BLMH: variants seen among roughly 807,000 people sequenced by gnomAD.
The protein encoded by BLMH is BLM hydrolase.
A neutral mutation model predicts 61.6 loss-of-function variants in BLMH; 32 were observed. That is an observed-to-expected ratio of 0.52 (90% CI 0.39 to 0.70). The LOEUF (loss-of-function observed/expected upper bound fraction) is 0.70, where lower values mean the gene tolerates loss of function less well. Ranked by LOEUF, BLMH falls within the 30% of genes least tolerant of loss-of-function variation. The pLI is 0.00. For synonymous variants in BLMH, 183 were observed against 193.8 expected (o/e 0.94, Z 0.46); for missense variants, 460 against 555.5 (o/e 0.83, Z 1.73).
At chr17:30,276,929 T>C (rs1014751775) in intron 6 of BLMH, among the ~76,000 whole-genome samples, 6 of 152,238 alleles carry the variant, frequency 3.9e-5, no homozygotes, top group African/African-American at 1.4e-4. Flanking sequence ...GCCTGTCCTT[T>C]AACTTCGTAT....
intron 11 of BLMH, among the ~76,000 whole-genome samples, chr17:30,255,204 A>T (rs566139391): frequency 1.3e-5 from 2 of 152,320 alleles, no homozygotes; most frequent in East Asian, 1.9e-4. Context: ...TAAGGTTATA[A>T]TGTATTTTTG....
intron 11 of BLMH, among the ~76,000 whole-genome samples, chr17:30,266,207 CT>C (rs1354156514): frequency 6.6e-6 from 1 of 152,118 alleles, no homozygotes; most frequent in Non-Finnish European, 1.5e-5. Context: ...AGGCTTCTGA[CT>C]TTCTAGAGTA....
chr17:30,271,907 G>C (rs752025712), intron 9 of BLMH, among the ~76,000 whole-genome samples: 4 of 152,140 alleles, frequency 2.6e-5, no homozygotes, highest in Non-Finnish European at 5.9e-5. Context: ...GCATGTTCTA[G>C]TTAGTGTGAG....
At chr17:30,282,429 G>A (rs1908618125) in intron 6 of BLMH, among the ~76,000 whole-genome samples, 1 of 152,048 alleles carries the variant, frequency 6.6e-6, no homozygotes. Context: ...TGTTGGCCAG[G>A]CTGGTCTTGA....
Position 30,285,474 on chromosome 17 carries a change from C to T in BLMH, c.559G>A (p.Glu187Lys). Residue 187 changes from glutamate to lysine, a missense_variant, in exon 6 of 12, where the codon GAA (glutamate) becomes AAA (lysine). By Grantham distance (56) the Glu-to-Lys change is moderately conservative. Around this residue, in one of 5 missense-constraint regions of BLMH, gnomAD observed 310 missense variants for 371.1 expected, o/e 0.84. Transcript: ENST00000261714. ...AGGTTCCGCAGTCGTATACAGAATT[C>T]TCTCATCTATGACAGAAACTTATTC... ...MNDILNHKMR[E>K]FCIRLRNLVH... 6.2e-7 allele frequency: 1 copy of T among 1,608,470 alleles called. No individual in the cohort carries two copies. The highest frequency in any genetic ancestry group is 8.5e-7 in the Non-Finnish European group (1 of 1,177,494).
intron 6 of BLMH, among the ~76,000 whole-genome samples, chr17:30,277,302 G>A (rs1351074489): frequency 1.3e-5 from 2 of 152,176 alleles, no homozygotes; most frequent in African/African-American, 4.8e-5. Context: ...AAGGATTAAT[G>A]AGCTCTGTTT....
At chr17:30,276,030 T>TA (rs993079132) in intron 6 of BLMH, among the ~76,000 whole-genome samples, 2 of 148,388 alleles carry the variant, frequency 1.3e-5, no homozygotes, top group African/African-American at 4.9e-5. Context: ...CCCCTTCACC[T>TA]TTTTTTTTTA....
At chr17:30,271,476 G>A (rs1908270279) in intron 9 of BLMH, 88 bp from the exon 10 acceptor site, 2 of 958,084 alleles carry the variant, frequency 2.1e-6, no homozygotes, top group Admixed American at 1.7e-5. Flanking sequence ...AGAAGAAACT[G>A]AAGGGGCTCA....
chr17:30,275,845 T>C (rs1303979952), intron 6 of BLMH, among the ~76,000 whole-genome samples: 6 of 152,214 alleles, frequency 3.9e-5, no homozygotes. Context: ...GTCACCACCC[T>C]GATCCAATCA....
intron 9 of BLMH, 187 bp downstream of exon 9, chr17:30,272,374 T>TAG: frequency 1.5e-6 from 1 of 676,880 alleles, no homozygotes. Context: ...TGTCCTGGGT[T>TAG]AGAGTGTTTA....
chr17:30,272,213 C>T (rs1166477638), intron 9 of BLMH: 2 of 266,388 alleles, frequency 7.5e-6, no homozygotes, highest in Admixed American at 4.8e-5. Flanking sequence ...ACATAGCAAA[C>T]GGGGGCTCTG....
At chr17:30,288,061 T>C (rs1908780200) in intron 3 of BLMH, 114 bp from the exon 4 acceptor site, 1 of 1,124,270 alleles carries the variant, frequency 8.9e-7, no homozygotes, top group African/African-American at 1.6e-5. Flanking sequence ...ATAATAGTTT[T>C]TTTTCTTTTT....
Position 30,285,591 on chromosome 17 carries a change from G to T in BLMH, c.553-111C>A, listed in dbSNP as rs193073679. 56 of 693,930 alleles carry T rather than the reference G, an allele frequency of 8.1e-5. No individual in the cohort carries two copies. In the African/African-American group the frequency reaches 8.9e-4, roughly 11 times the overall value. 43.0% of individuals were successfully genotyped at this position (693,930 alleles called of 1,614,324 possible). A position where few individuals can be genotyped will look rare whatever the true frequency, so the allele number is the denominator to read the frequency against. ...GAGGTATAACTCAGGCCAGACCCATGACAGAGTTCATAAAGGCAAATGTGT... is the reference window on the plus strand; with the variant it reads ...GAGGTATAACTCAGGCCAGACCCATTACAGAGTTCATAAAGGCAAATGTGT... On this transcript the variant is annotated intron_variant, in intron 5 of 11. Transcript: ENST00000261714.
In BLMH at chr17:30,272,851, A is replaced by T; in HGVS notation, c.850T>A (p.Tyr284Asn). 6.2e-7 allele frequency: 1 copy of T among 1,614,148 alleles called. No individual in the cohort carries two copies. The highest frequency in any genetic ancestry group is 8.5e-7 in the Non-Finnish European group (1 of 1,180,008). The part of the protein sequence containing the change: ...PRPQHKYNKL[Y>N]TVEYLSNMVG... ...ATATTGCTTAAGTATTCCACTGTGT[A>T]AAGTTTGTTGTACTTGTGCTGGGGC... Residue 284 changes from tyrosine to asparagine, a missense_variant, in exon 8 of 12, where the codon TAC becomes AAC. Around this residue, in one of 5 missense-constraint regions of BLMH, gnomAD observed 310 missense variants for 371.1 expected, o/e 0.84. Coordinates refer to ENST00000261714, the MANE Select transcript of BLMH (RefSeq NM_000386.4).
At chr17:30,258,813 G>A (rs1907884039) in intron 11 of BLMH, among the ~76,000 whole-genome samples, 1 of 152,086 alleles carries the variant, frequency 6.6e-6, no homozygotes, top group Non-Finnish European at 1.5e-5. Flanking sequence ...CCAAACTATC[G>A]CTACTCCTAT....
chr17:30,261,034 A>G (rs185312307), intron 11 of BLMH, among the ~76,000 whole-genome samples: 45 of 152,360 alleles, frequency 3.0e-4, no homozygotes, highest in Non-Finnish European at 5.1e-4. Flanking sequence ...CTCGGAAATC[A>G]GAAACCTGTG....
At chr17:30,276,029 CT>C (rs960320087) in intron 6 of BLMH, among the ~76,000 whole-genome samples, 28 of 148,776 alleles carry the variant, frequency 1.9e-4, no homozygotes, top group Admixed American at 2.7e-4. Context: ...TCCCCTTCAC[CT>C]TTTTTTTTTA....
chr17:30,259,108 ACT>A (rs1477918673), intron 11 of BLMH, among the ~76,000 whole-genome samples: 2 of 151,956 alleles, frequency 1.3e-5, no homozygotes, highest in Non-Finnish European at 2.9e-5. Flanking sequence ...CCCGTGTGTG[ACT>A]CTGCGCTTAT....
At chr17:30,274,002 G>C in intron 7 of BLMH, 40 bp downstream of exon 7, 1 of 1,609,592 alleles carries the variant, frequency 6.2e-7, no homozygotes, top group Non-Finnish European at 8.5e-7. Flanking sequence ...ACAGCCATTT[G>C]AAAGTAAACA....
Sources: allele counts gnomAD v4.1 joint callset (sites outside exome capture counted in the v4.1 genomes callset), GRCh38; gene constraint gnomAD v4.1.1; regional missense constraint gnomAD v4.1.1; transcripts MANE v1.5; gene names NCBI Gene and HGNC (gene_info 2026-07-23, HGNC 2026-07-21).